Variants in CDH12 observed in about 807,000 individuals in gnomAD.
The protein encoded by CDH12 is cadherin-12.
Under a neutral mutation model 74.1 loss-of-function variants are expected in CDH12, and 41 were observed. That is an observed-to-expected ratio of 0.55 (90% CI 0.43 to 0.72). CDH12 has a LOEUF of 0.72. CDH12 is among the 30% of genes least tolerant of loss of function. CDH12 has a pLI of 0.00. For missense variants in CDH12, 945 were observed against 977.2 expected (o/e 0.97, Z 0.44); for synonymous variants, 399 against 355.0 (o/e 1.12, Z -1.39).
At chr5:22,030,726 G>A (rs139879552) in intron 5 of CDH12, among the ~76,000 whole-genome samples, 15 of 152,296 alleles carry the variant, frequency 9.8e-5, no homozygotes, top group African/African-American at 2.9e-4. Context: ...GACTTCCCCT[G>A]TCTAGCTATG....
intron 2 of CDH12, among the ~76,000 whole-genome samples, chr5:22,460,121 G>A (rs1018924629): frequency 6.6e-6 from 1 of 152,106 alleles, no homozygotes; most frequent in South Asian, 2.1e-4. Flanking sequence ...AATATAAGCA[G>A]CTAGAAATAT....
At chr5:22,122,211 T>C (rs1044246243) in intron 4 of CDH12, among the ~76,000 whole-genome samples, 1 of 152,106 alleles carries the variant, frequency 6.6e-6, no homozygotes, top group African/African-American at 2.4e-5. Context: ...AAGACCGGCC[T>C]GGCCAACATG....
chr5:22,126,003 G>T (rs553613317), intron 4 of CDH12, among the ~76,000 whole-genome samples: 1 of 146,198 alleles, frequency 6.8e-6, no homozygotes, highest in African/African-American at 2.5e-5. Context: ...TTCATTTTGG[G>T]GGGGGGACAA....
chr5:22,567,776 C>G (rs1739359100), intron 1 of CDH12, among the ~76,000 whole-genome samples: 1 of 152,136 alleles, frequency 6.6e-6, no homozygotes, highest in Non-Finnish European at 1.5e-5. Flanking sequence ...TATTGAATGG[C>G]AAATGGTGAC....
At chr5:22,342,818 TTC>T (rs1739931690) in intron 3 of CDH12, among the ~76,000 whole-genome samples, 2 of 147,980 alleles carry the variant, frequency 1.4e-5, no homozygotes, top group South Asian at 4.5e-4. Context: ...CTTTCTCTCT[TTC>T]TCTCTCTGTC....
At chr5:22,089,713 C>A (rs945732697) in intron 4 of CDH12, among the ~76,000 whole-genome samples, 8 of 151,644 alleles carry the variant, frequency 5.3e-5, no homozygotes, top group Admixed American at 5.3e-4. Flanking sequence ...AAATCAACTG[C>A]AGAAAAAAAA....
intron 1 of CDH12, among the ~76,000 whole-genome samples, chr5:22,543,106 T>G (rs916946081): frequency 3.3e-5 from 5 of 152,142 alleles, no homozygotes; most frequent in African/African-American, 1.2e-4. Flanking sequence ...CTGCAAGACT[T>G]AAAGCAAACA....
chr5:22,416,916 T>G (rs1304802276), intron 2 of CDH12, among the ~76,000 whole-genome samples: 1 of 152,206 alleles, frequency 6.6e-6, no homozygotes, highest in African/African-American at 2.4e-5. Context: ...TTTAAGATAT[T>G]TTTTAATGAA....
intron 1 of CDH12, among the ~76,000 whole-genome samples, chr5:22,758,124 C>T (rs1461464810): frequency 1.3e-5 from 2 of 152,112 alleles, no homozygotes; most frequent in African/African-American, 2.4e-5. Flanking sequence ...GCGGCCGATA[C>T]CCATGGCAGG....
chr5:22,191,934 TTTTG>T (rs1270157024), intron 4 of CDH12, among the ~76,000 whole-genome samples: 2 of 151,384 alleles, frequency 1.3e-5, no homozygotes, highest in African/African-American at 2.4e-5. Flanking sequence ...TACTCATGTT[TTTTG>T]TTTGTCTGTT....
chr5:22,379,711 G>T (rs984679618), intron 3 of CDH12, among the ~76,000 whole-genome samples: 3 of 152,064 alleles, frequency 2.0e-5, no homozygotes, highest in Admixed American at 1.3e-4. Flanking sequence ...TGTTTGAAAG[G>T]TATAGTAAAT....
At chr5:22,263,555 C>T (rs1174527021) in intron 3 of CDH12, among the ~76,000 whole-genome samples, 1 of 151,988 alleles carries the variant, frequency 6.6e-6, no homozygotes, top group Non-Finnish European at 1.5e-5. Flanking sequence ...AACATCCTGG[C>T]CATTTTGTAA....
intron 1 of CDH12, among the ~76,000 whole-genome samples, chr5:22,559,379 A>C (rs1738943489): frequency 6.6e-6 from 1 of 152,132 alleles, no homozygotes; most frequent in South Asian, 2.1e-4. Flanking sequence ...TAAAGTTAAA[A>C]TCAAACAACA....
intron 1 of CDH12, among the ~76,000 whole-genome samples, chr5:22,574,839 G>C (rs1001264274): frequency 6.6e-6 from 1 of 152,084 alleles, no homozygotes; most frequent in Non-Finnish European, 1.5e-5. Flanking sequence ...CCTAGAATGA[G>C]TGTACTTTGT....
At chr5:21,880,279 G>A (rs6452017) in intron 6 of CDH12, among the ~76,000 whole-genome samples, 1 of 152,102 alleles carries the variant, frequency 6.6e-6, no homozygotes, top group Non-Finnish European at 1.5e-5. Flanking sequence ...TCAGTCAACA[G>A]TGTTGCTATC....
chr5:21,870,673 T>C (rs1239889175), intron 6 of CDH12, among the ~76,000 whole-genome samples: 1 of 152,176 alleles, frequency 6.6e-6, no homozygotes, highest in Non-Finnish European at 1.5e-5. Context: ...GATTCATAAA[T>C]GGCTTCTCCA....
chr5:21,776,359 ATGT>A (rs1311443397), intron 11 of CDH12, among the ~76,000 whole-genome samples: 2 of 152,202 alleles, frequency 1.3e-5, no homozygotes, highest in African/African-American at 4.8e-5. Context: ...AAAATAATAC[ATGT>A]TGTTTAAACT....
At chr5:21,899,027 C>T (rs918540345) in intron 6 of CDH12, among the ~76,000 whole-genome samples, 9 of 152,186 alleles carry the variant, frequency 5.9e-5, no homozygotes, top group Admixed American at 2.0e-4. Context: ...CCAATATGGT[C>T]TTTCCACCTC....
At chr5:21,763,559 T>A (rs1373154247) in intron 12 of CDH12, among the ~76,000 whole-genome samples, 6 of 152,220 alleles carry the variant, frequency 3.9e-5, no homozygotes, top group Non-Finnish European at 7.3e-5. Context: ...AGTGAATAGT[T>A]ACGCTATTTA....
Sources: allele counts gnomAD v4.1 joint callset (sites outside exome capture counted in the v4.1 genomes callset), GRCh38; gene constraint gnomAD v4.1.1; transcripts MANE v1.5; gene names NCBI Gene and HGNC (gene_info 2026-07-23, HGNC 2026-07-21).